Variants in GNA12 observed in about 807,000 individuals in gnomAD.
The protein encoded by GNA12 is G protein subunit alpha 12.
In GNA12, 9 loss-of-function variants were observed where a neutral mutation model predicts 26.0. The ratio of observed to expected loss-of-function variants is 0.35; its 90% CI spans 0.21 to 0.60. The LOEUF (loss-of-function observed/expected upper bound fraction) is 0.60. Ranked by LOEUF, GNA12 falls within the 20% of genes least tolerant of loss-of-function variation. The pLI is 0.78. For synonymous variants in GNA12, 264 were observed against 219.6 expected (o/e 1.20, Z -1.79); for missense variants, 405 against 525.8 (o/e 0.77, Z 2.25).
intron 3 of GNA12, among the ~76,000 whole-genome samples, chr7:2,733,033 G>C (rs964217858): frequency 1.3e-5 from 2 of 152,200 alleles, no homozygotes; most frequent in Non-Finnish European, 2.9e-5. Context: ...TTTTCGTCTT[G>C]TCTTTTTGAG....
chr7:2,794,019 A>C (rs1331795267), intron 2 of GNA12, among the ~76,000 whole-genome samples: 2 of 152,222 alleles, frequency 1.3e-5, no homozygotes, highest in Non-Finnish European at 2.9e-5. Flanking sequence ...GTGAAAAGGG[A>C]AGAACCGCTG....
intron 1 of GNA12, among the ~76,000 whole-genome samples, chr7:2,833,835 CAG>C (rs1183938429): frequency 6.6e-6 from 1 of 152,156 alleles, no homozygotes; most frequent in Non-Finnish European, 1.5e-5. Context: ...ACTCCCAAGA[CAG>C]AGACTCTTAA....
At chr7:2,790,813 A>G (rs1792498550) in intron 2 of GNA12, among the ~76,000 whole-genome samples, 1 of 152,224 alleles carries the variant, frequency 6.6e-6, no homozygotes, top group African/African-American at 2.4e-5. Flanking sequence ...TATGAAAAAG[A>G]AAAAGTAAAA....
chr7:2,757,984 T>A (rs1324582329), intron 2 of GNA12, among the ~76,000 whole-genome samples: 1 of 152,198 alleles, frequency 6.6e-6, no homozygotes, highest in Non-Finnish European at 1.5e-5. Flanking sequence ...TGTAGCTGCC[T>A]GGTTAACACA....
At chr7:2,733,298 G>C (rs544778441) in intron 3 of GNA12, among the ~76,000 whole-genome samples, 153 bp downstream of exon 3, 4 of 152,296 alleles carry the variant, frequency 2.6e-5, no homozygotes, top group South Asian at 4.2e-4. Flanking sequence ...ATCCAAGTGA[G>C]AGCGTGCCAT....
intron 2 of GNA12, among the ~76,000 whole-genome samples, chr7:2,782,142 C>A (rs558172502): frequency 6.6e-6 from 1 of 152,066 alleles, no homozygotes; most frequent in Admixed American, 6.6e-5. Context: ...AAACCATATA[C>A]AAAAATTAAC....
chr7:2,793,819 T>A (rs1475433148), intron 2 of GNA12, among the ~76,000 whole-genome samples: 1 of 146,904 alleles, frequency 6.8e-6, no homozygotes, highest in Non-Finnish European at 1.5e-5. Context: ...GAGGTGGAGG[T>A]TGCAGTGAGC....
intron 2 of GNA12, among the ~76,000 whole-genome samples, chr7:2,770,226 T>A (rs540332366): frequency 2.6e-5 from 4 of 152,348 alleles, no homozygotes; most frequent in Non-Finnish European, 5.9e-5. Flanking sequence ...CCACTTGCCC[T>A]GGAGAGTCCC....
intron 1 of GNA12, among the ~76,000 whole-genome samples, chr7:2,811,385 C>T (rs969373488): frequency 4.6e-5 from 7 of 152,196 alleles, no homozygotes; most frequent in African/African-American, 1.7e-4. Flanking sequence ...ACAAAGCTGC[C>T]AGAACTCTAG....
intron 2 of GNA12, among the ~76,000 whole-genome samples, chr7:2,741,040 G>C (rs1034835984): frequency 6.8e-6 from 1 of 147,424 alleles, no homozygotes; most frequent in Non-Finnish European, 1.5e-5. Flanking sequence ...GCGAGACTCC[G>C]TCTCAAAACA....
intron 2 of GNA12, among the ~76,000 whole-genome samples, chr7:2,788,371 G>A (rs1792420272): frequency 2.6e-5 from 4 of 152,090 alleles, no homozygotes. Flanking sequence ...GTGTTGGACG[G>A]CACGTCTAGG....
At chr7:2,732,701 G>T (rs546574821) in intron 3 of GNA12, among the ~76,000 whole-genome samples, 14 of 152,298 alleles carry the variant, frequency 9.2e-5, no homozygotes, top group African/African-American at 3.1e-4. Context: ...GTGTGCAGGG[G>T]ACAGAGAAAC....
At chr7:2,796,879 T>A (rs1266141343) in intron 1 of GNA12, among the ~76,000 whole-genome samples, 1 of 152,148 alleles carries the variant, frequency 6.6e-6, no homozygotes, top group Non-Finnish European at 1.5e-5. Flanking sequence ...TGTTCCACCA[T>A]CCTTAGACTA....
At chr7:2,757,159 G>A (rs1476679945) in intron 2 of GNA12, among the ~76,000 whole-genome samples, 4 of 114,570 alleles carry the variant, frequency 3.5e-5, no homozygotes, top group East Asian at 2.4e-4. Flanking sequence ...TTTTTGAGAC[G>A]GAGTCTTGCT....
At chr7:2,811,009 C>A (rs73051415) in intron 1 of GNA12, among the ~76,000 whole-genome samples, 1 of 152,106 alleles carries the variant, frequency 6.6e-6, no homozygotes, top group Admixed American at 6.5e-5. Flanking sequence ...CGCAGCTCAG[C>A]CTTTGGAGAT....
At chr7:2,840,385 C>T (rs978860708) in intron 1 of GNA12, among the ~76,000 whole-genome samples, 13 of 152,176 alleles carry the variant, frequency 8.5e-5, no homozygotes, top group South Asian at 2.1e-4. Flanking sequence ...GTAATACCAT[C>T]TGAAGCATTA....
chr7:2,755,564 G>A (rs1791253109), intron 2 of GNA12, among the ~76,000 whole-genome samples: 1 of 152,186 alleles, frequency 6.6e-6, no homozygotes, highest in Non-Finnish European at 1.5e-5. Flanking sequence ...TTAGTCTATA[G>A]AAGTAAAATT....
intron 2 of GNA12, among the ~76,000 whole-genome samples, chr7:2,752,525 C>T (rs1379145287): frequency 6.6e-6 from 1 of 152,104 alleles, no homozygotes; most frequent in Admixed American, 6.6e-5. Flanking sequence ...CTGCAGATCG[C>T]CTAACTGTTC....
chr7:2,780,050 A>ATG (rs1792185571), intron 2 of GNA12, among the ~76,000 whole-genome samples: 2 of 41,216 alleles, frequency 4.9e-5, no homozygotes, highest in African/African-American at 1.7e-4. Context: ...ATTTCTGTGT[A>ATG]CATATATATA....
Sources: gnomAD v4.1 joint callset for allele counts (sites outside exome capture counted in the v4.1 genomes callset) on GRCh38, gnomAD v4.1.1 for gene constraint, MANE v1.5 for transcripts, NCBI Gene and HGNC (gene_info 2026-07-23, HGNC 2026-07-21) for gene names.